The following CTNNA3 variants were observed in gnomAD, a reference collection of about 807,000 sequenced individuals.
CTNNA3 encodes catenin alpha-3.
In CTNNA3, 76 loss-of-function variants were observed where a neutral mutation model predicts 95.7. The observed-to-expected ratio is 0.79, with a 90% CI of 0.66 to 0.96. The LOEUF (loss-of-function observed/expected upper bound fraction) is 0.96. CTNNA3 is among the 40% of genes least tolerant of loss of function. The pLI, the probability that CTNNA3 is intolerant of heterozygous loss-of-function variation, is 0.00. For missense variants in CTNNA3, 1,191 were observed against 1,089.8 expected (o/e 1.09, Z -1.31); for synonymous variants, 431 against 374.4 (o/e 1.15, Z -1.74).
chr10:66,628,208 T>C (rs907353764), intron 9 of CTNNA3, among the ~76,000 whole-genome samples: 1 of 152,180 alleles, frequency 6.6e-6, no homozygotes, highest in Non-Finnish European at 1.5e-5. Context: ...TGGAACTGAA[T>C]CATTGTTAAT....
chr10:65,975,378 T>C (rs7084117), intron 16 of CTNNA3, among the ~76,000 whole-genome samples: 7,220 of 150,920 alleles, frequency 0.048, 233 homozygotes, highest in Middle Eastern at 0.092. Flanking sequence ...GAGAAAGATA[T>C]GGAGAAAGAA....
chr10:66,787,643 G>A (rs1235793387), intron 7 of CTNNA3, among the ~76,000 whole-genome samples: 1 of 152,066 alleles, frequency 6.6e-6, no homozygotes, highest in Admixed American at 6.6e-5. Context: ...GGGGAGGAGG[G>A]GCAAGTGACA....
At chr10:66,101,534 A>G (rs1261548916) in intron 14 of CTNNA3, among the ~76,000 whole-genome samples, 2 of 152,320 alleles carry the variant, frequency 1.3e-5, no homozygotes, top group Middle Eastern at 6.8e-3. Flanking sequence ...TCCCAAATTT[A>G]TCTTTTCCCA....
At chr10:66,838,479 T>G (rs1842950349) in intron 7 of CTNNA3, among the ~76,000 whole-genome samples, 1 of 152,150 alleles carries the variant, frequency 6.6e-6, no homozygotes, top group Non-Finnish European at 1.5e-5. Flanking sequence ...TTGACAATTC[T>G]GAAAGATAAA....
intron 13 of CTNNA3, among the ~76,000 whole-genome samples, chr10:66,268,457 T>A (rs1295521214): frequency 6.6e-6 from 1 of 152,162 alleles, no homozygotes; most frequent in Non-Finnish European, 1.5e-5. Context: ...CCAAGCCCCA[T>A]AAGAGGCTAA....
chr10:67,230,643 C>A (rs1021951225), intron 5 of CTNNA3, among the ~76,000 whole-genome samples: 3 of 152,106 alleles, frequency 2.0e-5, no homozygotes, highest in African/African-American at 7.2e-5. Flanking sequence ...CATGAATAGA[C>A]AATGCTCAAA....
chr10:67,182,653 A>T (rs1862615502), intron 6 of CTNNA3, among the ~76,000 whole-genome samples: 1 of 152,170 alleles, frequency 6.6e-6, no homozygotes, highest in South Asian at 2.1e-4. Context: ...CTAAAACACC[A>T]AAAGCAATGG....
chr10:66,026,169 T>C (rs1317218537), intron 15 of CTNNA3, among the ~76,000 whole-genome samples: 1 of 152,180 alleles, frequency 6.6e-6, no homozygotes, highest in African/African-American at 2.4e-5. Context: ...GTCTGTGTCA[T>C]CCTGCTTTAT....
intron 11 of CTNNA3, among the ~76,000 whole-genome samples, chr10:66,516,061 CT>C (rs1840843338): frequency 6.1e-5 from 1 of 16,468 alleles, no homozygotes; most frequent in Non-Finnish European, 1.3e-4. Context: ...GATTAATTAT[CT>C]GGAAAAAAAA....
chr10:66,416,601 G>A (rs535806637), intron 11 of CTNNA3, among the ~76,000 whole-genome samples: 1 of 151,662 alleles, frequency 6.6e-6, no homozygotes, highest in Non-Finnish European at 1.5e-5. Flanking sequence ...ACCTCCATCA[G>A]AACAAGAGAA....
At chr10:66,756,535 A>G (rs561927486) in intron 9 of CTNNA3, among the ~76,000 whole-genome samples, 1 of 152,110 alleles carries the variant, frequency 6.6e-6, no homozygotes, top group Non-Finnish European at 1.5e-5. Flanking sequence ...CTGGGTATAC[A>G]CAGCTACAGA....
chr10:67,354,629 T>C (rs906795917), intron 5 of CTNNA3, among the ~76,000 whole-genome samples: 1 of 152,066 alleles, frequency 6.6e-6, no homozygotes, highest in Non-Finnish European at 1.5e-5. Flanking sequence ...TCACAAACTA[T>C]GTTACTTATG....
At chr10:67,133,505 A>C (rs1217647509) in intron 7 of CTNNA3, among the ~76,000 whole-genome samples, 2 of 151,560 alleles carry the variant, frequency 1.3e-5, no homozygotes, top group Non-Finnish European at 2.9e-5. Context: ...GAAGAAATAC[A>C]AAGGAGCAAA....
intron 13 of CTNNA3, among the ~76,000 whole-genome samples, chr10:66,266,969 T>C (rs549757581): frequency 5.3e-4 from 80 of 152,140 alleles, no homozygotes; most frequent in African/African-American, 1.9e-3. Context: ...CCTTTAGTAG[T>C]AAATATATTG....
intron 11 of CTNNA3, among the ~76,000 whole-genome samples, chr10:66,389,004 T>C (rs893374888): frequency 2.0e-5 from 3 of 152,204 alleles, no homozygotes; most frequent in Admixed American, 2.0e-4. Context: ...GCTATTTATA[T>C]TTCTGGTGAA....
intron 7 of CTNNA3, among the ~76,000 whole-genome samples, chr10:67,001,518 G>T (rs1851692386): frequency 6.6e-6 from 1 of 151,444 alleles, no homozygotes; most frequent in African/African-American, 2.4e-5. Flanking sequence ...GAGGAATATA[G>T]AATTTTTCAC....
chr10:66,926,277 C>G, intron 7 of CTNNA3: 1 of 444,120 alleles, frequency 2.3e-6, no homozygotes, highest in Non-Finnish European at 4.2e-6. Flanking sequence ...TTTTTAACCG[C>G]CCCCTCCCCA....
At chr10:66,254,785 C>G (rs905157323) in intron 13 of CTNNA3, among the ~76,000 whole-genome samples, 1 of 152,190 alleles carries the variant, frequency 6.6e-6, no homozygotes. Context: ...GCTGAGGCCA[C>G]TCTTCAGTGG....
At chr10:67,701,718 T>A (rs1030440801) in intron 1 of CTNNA3, among the ~76,000 whole-genome samples, 3 of 152,156 alleles carry the variant, frequency 2.0e-5, no homozygotes, top group Admixed American at 2.0e-4. Flanking sequence ...CTGCATCAAC[T>A]AATGAGCAAA....
Sources: allele counts gnomAD v4.1 joint callset (sites outside exome capture counted in the v4.1 genomes callset), GRCh38; gene constraint gnomAD v4.1.1; transcripts MANE v1.5; gene names NCBI Gene and HGNC (gene_info 2026-07-23, HGNC 2026-07-21).